SPTBN4: variants seen among roughly 807,000 people sequenced by gnomAD.
SPTBN4 encodes the protein spectrin beta, non-erythrocytic 4, also known as spectrin beta chain, non-erythrocytic 4.
Under a neutral mutation model 277.8 loss-of-function variants are expected in SPTBN4, and 96 were observed. The observed-to-expected ratio is 0.35, with a 90% CI of 0.29 to 0.41. The LOEUF is 0.41. SPTBN4 is among the 10% of genes least tolerant of loss of function. The pLI, the probability that SPTBN4 is intolerant of heterozygous loss-of-function variation, is 1.00. For synonymous variants in SPTBN4, 1,481 were observed against 1,580.3 expected (o/e 0.94, Z 1.49); for missense variants, 3,006 against 3,595.7 (o/e 0.84, Z 4.19).
intron 13 of SPTBN4, among the ~76,000 whole-genome samples, chr19:40,509,597 G>A (rs1432048101): frequency 1.3e-5 from 2 of 152,110 alleles, no homozygotes; most frequent in Non-Finnish European, 2.9e-5. Context: ...GAGTGCTGAC[G>A]GCAGTTGGGG....
At chr19:40,551,493 G>A (rs972307659) in intron 22 of SPTBN4, among the ~76,000 whole-genome samples, 2 of 152,072 alleles carry the variant, frequency 1.3e-5, no homozygotes, top group African/African-American at 4.8e-5. Flanking sequence ...GGATACTACT[G>A]CCCCCTAACC....
chr19:40,566,119 GC>G, intron 29 of SPTBN4, 43 bp from the exon 30 acceptor site: 1 of 1,453,534 alleles, frequency 6.9e-7, no homozygotes, highest in Non-Finnish European at 9.1e-7. Context: ...CCCAGGAAGG[GC>G]CCCAGATGCC....
intron 2 of SPTBN4, among the ~76,000 whole-genome samples, chr19:40,481,890 C>A (rs1437340868): frequency 6.6e-6 from 1 of 151,324 alleles, no homozygotes; most frequent in Non-Finnish European, 1.5e-5. Flanking sequence ...CATTTTCATA[C>A]ATTTATTGGC....
At chr19:40,501,784 G>A in intron 7 of SPTBN4, 137 bp from the exon 8 acceptor site, 1 of 707,852 alleles carries the variant, frequency 1.4e-6, no homozygotes. Context: ...TACAAAACCT[G>A]AGGAACAGAG....
intron 4 of SPTBN4, among the ~76,000 whole-genome samples, chr19:40,492,592 G>T (rs1051953332): frequency 6.6e-6 from 1 of 152,182 alleles, no homozygotes; most frequent in Non-Finnish European, 1.5e-5. Flanking sequence ...TCTGATTTGA[G>T]TGTTCGCAGG....
chr19:40,551,507 G>T (rs567084535), intron 22 of SPTBN4, among the ~76,000 whole-genome samples: 3 of 152,134 alleles, frequency 2.0e-5, no homozygotes, highest in Admixed American at 2.0e-4. Flanking sequence ...CCTAACCTGA[G>T]CAAGGTGGGG....
intron 12 of SPTBN4, among the ~76,000 whole-genome samples, chr19:40,505,906 A>C (rs1393325809): frequency 6.6e-6 from 1 of 152,178 alleles, no homozygotes; most frequent in Non-Finnish European, 1.5e-5. Context: ...AGCCACTGTG[A>C]CAGAGACAGA....
intron 1 of SPTBN4, among the ~76,000 whole-genome samples, chr19:40,467,525 T>TCC (rs1303390545): frequency 6.7e-6 from 1 of 150,302 alleles, no homozygotes; most frequent in Non-Finnish European, 1.5e-5. Context: ...CCAGGCCCCC[T>TCC]CCTTGGGCGC....
chr19:40,476,753 A>C (rs1020976731), intron 2 of SPTBN4, among the ~76,000 whole-genome samples: 1 of 151,842 alleles, frequency 6.6e-6, no homozygotes, highest in Non-Finnish European at 1.5e-5. Context: ...ATGCCCCGCT[A>C]ATTTTTTGTA....
intron 35 of SPTBN4, 29 bp from the exon 36 acceptor site, chr19:40,575,382 C>G: frequency 6.2e-7 from 1 of 1,601,250 alleles, no homozygotes; most frequent in Non-Finnish European, 8.5e-7. Context: ...CTTCCAAATA[C>G]GGCCTCTGTG....
At chr19:40,499,542 A>G in intron 7 of SPTBN4, among the ~76,000 whole-genome samples, 1 of 150,090 alleles carries the variant, frequency 6.7e-6, no homozygotes, top group East Asian at 2.0e-4. Context: ...GGCGTGCACG[A>G]CCATGCTCAG....
intron 2 of SPTBN4, among the ~76,000 whole-genome samples, chr19:40,483,225 G>T (rs932832073): frequency 6.6e-6 from 1 of 151,998 alleles, no homozygotes; most frequent in African/African-American, 2.4e-5. Flanking sequence ...TCCTCATTCT[G>T]GTACCACTCT....
In SPTBN4 at chr19:40,549,315, C is replaced by G; in HGVS notation, c.4486C>G (p.Arg1496Gly). The change falls in exon 21 of 36, where the codon CGC becomes GGC. Residue 1496 changes from arginine (R) to glycine (G), a missense_variant. Around this residue, in one of 5 missense-constraint regions of SPTBN4, gnomAD observed 1,759 missense variants for 2,061.5 expected, o/e 0.85. Transcript: ENST00000598249. Reference protein sequence around the residue: ...VGERQNAVGERLVRLLEPLQE... With the variant: ...VGERQNAVGEGLVRLLEPLQE... Reference sequence around the variant, plus strand: ...TGAGCGGCAGAACGCGGTGGGCGAGCGCCTGGTGCGCCTGCTCGAGCCGTT... The same window carrying G: ...TGAGCGGCAGAACGCGGTGGGCGAGGGCCTGGTGCGCCTGCTCGAGCCGTT... 4 of 1,538,952 alleles carry G rather than the reference C, an allele frequency of 2.6e-6. No homozygotes were observed. Among genetic ancestry groups the G allele is most frequent in the South Asian group, 2.4e-5 (2 of 83,852 alleles).
At chr19:40,532,475 C>A in intron 18 of SPTBN4, 150 bp from the exon 19 acceptor site, 1 of 935,900 alleles carries the variant, frequency 1.1e-6, no homozygotes, top group Non-Finnish European at 1.5e-6. Context: ...AATATAAAGG[C>A]CTCACTTGCA....
intron 25 of SPTBN4, 81 bp from the exon 26 acceptor site, chr19:40,556,942 A>G: frequency 6.8e-7 from 1 of 1,476,732 alleles, no homozygotes; most frequent in Non-Finnish European, 9.0e-7. Flanking sequence ...AGAAAAAAAA[A>G]CATTGTAGGC....
At chr19:40,497,732 T>C in intron 7 of SPTBN4, 128 bp downstream of exon 7, 1 of 734,718 alleles carries the variant, frequency 1.4e-6, no homozygotes, top group African/African-American at 1.7e-5. Context: ...ATCCCAACTC[T>C]TTCCAAATCC....
At chr19:40,523,332 A>G (rs936176420) in intron 16 of SPTBN4, 105 bp from the exon 17 acceptor site, 16 of 1,117,996 alleles carry the variant, frequency 1.4e-5, no homozygotes, top group Middle Eastern at 2.8e-4. Context: ...GGAATGTTCT[A>G]TGCTTGCAAG....
intron 2 of SPTBN4, among the ~76,000 whole-genome samples, chr19:40,479,838 A>G (rs2079989970): frequency 6.6e-6 from 1 of 151,614 alleles, no homozygotes; most frequent in Non-Finnish European, 1.5e-5. Flanking sequence ...GTGGTGACTC[A>G]TGCCTGTAAT....
At chr19:40,527,577 A>C (rs2080607792) in intron 17 of SPTBN4, among the ~76,000 whole-genome samples, 1 of 152,244 alleles carries the variant, frequency 6.6e-6, no homozygotes, top group Non-Finnish European at 1.5e-5. Context: ...CTCACGAAGA[A>C]GGTGATCTTT....
Sources: allele counts gnomAD v4.1 joint callset (sites outside exome capture counted in the v4.1 genomes callset), GRCh38; gene constraint gnomAD v4.1.1; regional missense constraint gnomAD v4.1.1; transcripts MANE v1.5; gene names NCBI Gene and HGNC (gene_info 2026-07-23, HGNC 2026-07-21).